NDST3: variants seen among roughly 807,000 people sequenced by gnomAD.
The protein encoded by NDST3 is bifunctional heparan sulfate N-deacetylase/N-sulfotransferase 3.
Under a neutral mutation model 96.1 loss-of-function variants are expected in NDST3, and 58 were observed. The observed-to-expected ratio is 0.60, with a 90% CI of 0.49 to 0.75. The LOEUF (loss-of-function observed/expected upper bound fraction) is 0.75, where lower values mean the gene tolerates loss of function less well. NDST3 is among the 30% of genes least tolerant of loss of function. NDST3 has a pLI of 0.00. For synonymous variants in NDST3, 333 were observed against 359.7 expected, an observed-to-expected ratio of 0.93 and a Z score of 0.84; for missense variants, 788 against 1,034.2, an observed-to-expected ratio of 0.76 and a Z score of 3.27.
At chr4:118,147,959 G>A (rs1010544665) in intron 6 of NDST3, among the ~76,000 whole-genome samples, 2 of 152,104 alleles carry the variant, frequency 1.3e-5, no homozygotes, top group African/African-American at 4.8e-5. Context: ...AATAAAGTCA[G>A]TGCTTACCTA....
At chr4:118,115,770 T>G (rs1212737299) in intron 4 of NDST3, among the ~76,000 whole-genome samples, 13 of 152,200 alleles carry the variant, frequency 8.5e-5, no homozygotes, top group Non-Finnish European at 4.4e-5. Flanking sequence ...AAGTTTCAGT[T>G]GGTTCTCACA....
In NDST3 at chr4:118,138,111, TA is replaced by T; in HGVS notation, c.1283del (p.Tyr428SerfsTer28). The T allele has an allele frequency of 6.2e-7, 1 of 1,613,708 alleles. No homozygotes were observed. The highest frequency in any genetic ancestry group is 1.3e-5 in the African/African-American group (1 of 75,004). On this transcript the variant is annotated frameshift_variant, in exon 5 of 14. Coordinates refer to ENST00000296499, the MANE Select transcript of NDST3 (RefSeq NM_004784.3). LOFTEE classifies it high-confidence loss of function. ...YAVAPHHSGVYPVHVQLYEAW... is the reference protein window; with the variant it reads ...YAVAPHHSGVXPVHVQLYEAW... The stretch of plus-strand genomic sequence containing the variant: ...TGTGGCCCCTCACCATTCGGGCGTC[TA>T]CCCTGTACATGTTCAGCTTTATGAG...
intron 7 of NDST3, among the ~76,000 whole-genome samples, chr4:118,225,396 G>C (rs1357890021): frequency 6.6e-6 from 1 of 152,090 alleles, no homozygotes; most frequent in Non-Finnish European, 1.5e-5. Flanking sequence ...TATGTCAGAC[G>C]GGGCACTTGA....
At chr4:118,126,344 A>G (rs1235152718) in intron 4 of NDST3, among the ~76,000 whole-genome samples, 3 of 151,738 alleles carry the variant, frequency 2.0e-5, no homozygotes, top group African/African-American at 7.3e-5. Flanking sequence ...CGAGTTTTAT[A>G]TATCACAAAT....
At chr4:118,077,411 C>T (rs868738699) in intron 2 of NDST3, among the ~76,000 whole-genome samples, 1 of 152,166 alleles carries the variant, frequency 6.6e-6, no homozygotes, top group Admixed American at 6.5e-5. Context: ...CAGTAGATGG[C>T]GCTTAAGAGT....
At chr4:118,109,300 G>C (rs1432192079) in intron 3 of NDST3, among the ~76,000 whole-genome samples, 3 of 152,178 alleles carry the variant, frequency 2.0e-5, no homozygotes, top group Non-Finnish European at 2.9e-5. Flanking sequence ...GAAATATGTG[G>C]TGTGTTTAGG....
chr4:118,225,882 G>A (rs1017041913), intron 7 of NDST3, among the ~76,000 whole-genome samples: 3 of 152,028 alleles, frequency 2.0e-5, no homozygotes, highest in Non-Finnish European at 4.4e-5. Context: ...TAACCACCAC[G>A]AAACATCACC....
chr4:118,038,221 C>T (rs74523467), intron 1 of NDST3, among the ~76,000 whole-genome samples: 1 of 152,116 alleles, frequency 6.6e-6, no homozygotes, highest in Non-Finnish European at 1.5e-5. Context: ...GCATTCTGGT[C>T]CAATCTTAGA....
rs1726368537 is a variant in NDST3, at chr4:118,066,203, T to TA, written c.981+11312_981+11313insA. On this transcript the variant is annotated intron_variant, in intron 2 of 13. Transcript: ENST00000296499. Reference sequence around the variant, plus strand: ...TATTATATATCTTATATATTATATTTTATATATTATACATAATATATTATA... The same window carrying TA: ...TATTATATATCTTATATATTATATTTATATATATTATACATAATATATTATA... Among the ~76,000 whole-genome samples the TA allele has an allele frequency of 5.7e-5, 4 of 70,138 alleles. 2 individuals carry two copies. The highest frequency in any genetic ancestry group is 2.4e-4 in the African/African-American group (4 of 16,786). 46.0% of individuals were successfully genotyped at this position (70,138 alleles called of 152,430 possible). A position where few individuals can be genotyped will look rare whatever the true frequency, so the allele number is the denominator to read the frequency against.
chr4:118,193,709 T>G, intron 6 of NDST3: 1 of 1,288,892 alleles, frequency 7.8e-7, no homozygotes, highest in Non-Finnish European at 1.1e-6. Context: ...CTCTCCCCAA[T>G]GGAAGAGGCC....
At chr4:118,157,596 G>C (rs1734800857) in intron 6 of NDST3, among the ~76,000 whole-genome samples, 2 of 151,890 alleles carry the variant, frequency 1.3e-5, no homozygotes, top group South Asian at 4.1e-4. Context: ...CTAATTTTTT[G>C]TATTTTTAGT....
intron 2 of NDST3, among the ~76,000 whole-genome samples, chr4:118,069,812 A>AG (rs1726900557): frequency 1.6e-5 from 1 of 60,744 alleles, no homozygotes; most frequent in Non-Finnish European, 5.9e-5. Context: ...TTTGTTTTTG[A>AG]CCAGTTATTA....
intron 3 of NDST3, among the ~76,000 whole-genome samples, chr4:118,109,866 A>G (rs139995730): frequency 6.6e-6 from 1 of 152,330 alleles, no homozygotes; most frequent in African/African-American, 2.4e-5. Flanking sequence ...TTATGTCAGA[A>G]GAGAGCTTTA....
intron 1 of NDST3, among the ~76,000 whole-genome samples, chr4:118,035,340 A>G (rs1222292541): frequency 6.6e-6 from 1 of 152,136 alleles, no homozygotes. Context: ...CCTTCTAGAC[A>G]ATGCAAACAG....
intron 6 of NDST3, among the ~76,000 whole-genome samples, chr4:118,217,610 A>G (rs969856247): frequency 6.6e-6 from 1 of 152,142 alleles, no homozygotes; most frequent in African/African-American, 2.4e-5. Flanking sequence ...TTTTTCTGTA[A>G]AGAGTGTTTC....
intron 6 of NDST3, among the ~76,000 whole-genome samples, chr4:118,214,008 G>A (rs987158194): frequency 1.3e-5 from 2 of 152,116 alleles, no homozygotes; most frequent in African/African-American, 4.8e-5. Context: ...TGAGCTCACA[G>A]TTTAGCAAGA....
At chr4:118,040,598 T>G (rs1724388500) in intron 1 of NDST3, among the ~76,000 whole-genome samples, 1 of 152,076 alleles carries the variant, frequency 6.6e-6, no homozygotes, top group South Asian at 2.1e-4. Context: ...TTTCCCTCAT[T>G]TCCTGTGTTA....
At chr4:118,043,283 G>C (rs1724575575) in intron 1 of NDST3, among the ~76,000 whole-genome samples, 1 of 152,186 alleles carries the variant, frequency 6.6e-6, no homozygotes, top group Admixed American at 6.5e-5. Context: ...TACAGTAAAA[G>C]TGTCAAATTA....
At chr4:118,084,858 C>A (rs573552764) in intron 2 of NDST3, among the ~76,000 whole-genome samples, 1 of 152,136 alleles carries the variant, frequency 6.6e-6, no homozygotes, top group Non-Finnish European at 1.5e-5. Context: ...CGGTGGCTCA[C>A]GCCTGTAATC....
Sources: allele counts gnomAD v4.1 joint callset (sites outside exome capture counted in the v4.1 genomes callset), GRCh38; gene constraint gnomAD v4.1.1; transcripts MANE v1.5; gene names NCBI Gene and HGNC (gene_info 2026-07-23, HGNC 2026-07-21).